PUDP: variants seen among roughly 807,000 people sequenced by gnomAD.
PUDP encodes pseudouridine-5'-phosphatase.
A neutral mutation model predicts 9.4 loss-of-function variants in PUDP; 8 were observed. The observed-to-expected ratio is 0.85, with a 90% confidence interval of 0.50 to 1.53. PUDP has a LOEUF of 1.53. Among genes scored for constraint, PUDP ranks in the 40% most tolerant of loss-of-function variants. The pLI, the probability that PUDP is intolerant of heterozygous loss-of-function variation, is 0.00. For synonymous variants in PUDP, 99 were observed against 80.7 expected (o/e 1.23, Z -1.22); for missense variants, 188 against 189.7 (o/e 0.99, Z 0.05).
intron 1 of PUDP, among the ~76,000 whole-genome samples, chrX:6,718,108 T>C (rs996504930): frequency 7.2e-5 from 8 of 111,622 alleles, no homozygotes; most frequent in South Asian, 7.5e-4. Context: ...CTGTGTCAGA[T>C]ATATAGTTTT....
At chrX:7,139,673 CAA>C (rs750934973) in intron 1 of PUDP, among the ~76,000 whole-genome samples, 1 of 112,114 alleles carries the variant, frequency 8.9e-6, no homozygotes, top group Admixed American at 9.4e-5. Flanking sequence ...TATTGGGAGT[CAA>C]AGAGCAAACT....
At chrX:7,073,481 G>C (rs1426933258) in intron 3 of PUDP, among the ~76,000 whole-genome samples, 1 of 112,429 alleles carries the variant, frequency 8.9e-6, no homozygotes, top group Non-Finnish European at 1.9e-5. Context: ...TTCAGTGACT[G>C]ATGATTTAAT....
chrX:7,147,698 T>A (rs1377882069), intron 1 of PUDP, among the ~76,000 whole-genome samples: 2 of 111,374 alleles, frequency 1.8e-5, no homozygotes, highest in African/African-American at 6.5e-5. Context: ...AGCGCGGAGG[T>A]CCCGCCGCGC....
chrX:6,921,154 T>G (rs12009497), intron 3 of PUDP, among the ~76,000 whole-genome samples: 4 of 110,289 alleles, frequency 3.6e-5, no homozygotes, highest in African/African-American at 1.3e-4. Context: ...GGAGGCGAGG[T>G]GGGAGGATCA....
chrX:6,724,419 C>CT (rs1442427248), upstream of PUDP, among the ~76,000 whole-genome samples: 1 of 100,284 alleles, frequency 1.0e-5, no homozygotes, highest in Non-Finnish European at 2.0e-5. Flanking sequence ...TTTCATTTCT[C>CT]TTTTCTATTC....
At chrX:6,759,085 A>C (rs1707739137) in intron 3 of PUDP, among the ~76,000 whole-genome samples, 1 of 111,883 alleles carries the variant, frequency 8.9e-6, no homozygotes, top group African/African-American at 3.2e-5. Context: ...CCCTACTTAG[A>C]CAGTCTCTGA....
chrX:7,099,322 C>G (rs947246778), intron 2 of PUDP, among the ~76,000 whole-genome samples: 2 of 112,541 alleles, frequency 1.8e-5, no homozygotes, highest in African/African-American at 6.5e-5. Flanking sequence ...ATGTGACATA[C>G]ATTTCCAGTT....
intron 3 of PUDP, among the ~76,000 whole-genome samples, chrX:6,807,867 T>C (rs758152143): frequency 5.3e-5 from 6 of 112,338 alleles, no homozygotes; most frequent in African/African-American, 1.9e-4. Flanking sequence ...TGGAAATATA[T>C]GCATCTCTAT....
chrX:6,797,031 A>G (rs1925855479), intron 3 of PUDP, among the ~76,000 whole-genome samples: 1 of 112,095 alleles, frequency 8.9e-6, no homozygotes, highest in Non-Finnish European at 1.9e-5. Context: ...AGGAATTAAC[A>G]ATAGAAGAGA....
intron 3 of PUDP, among the ~76,000 whole-genome samples, chrX:6,849,120 C>G (rs752127296): frequency 9.0e-6 from 1 of 111,421 alleles, no homozygotes; most frequent in Non-Finnish European, 1.9e-5. Context: ...GGGTGGTAGA[C>G]CCGCACGTCA....
intron 3 of PUDP, among the ~76,000 whole-genome samples, chrX:6,740,452 C>T (rs1429027396): frequency 9.0e-6 from 1 of 111,084 alleles, no homozygotes; most frequent in Non-Finnish European, 1.9e-5. Flanking sequence ...CTGAATTATT[C>T]CAGATTTTTC....
intron 3 of PUDP, among the ~76,000 whole-genome samples, chrX:6,887,886 A>T (rs1927452875): frequency 9.0e-6 from 1 of 110,955 alleles, no homozygotes; most frequent in Non-Finnish European, 1.9e-5. Flanking sequence ...TGGGAAACAG[A>T]CCCTGGAATT....
At chrX:6,991,048 T>G (rs1929169661) in intron 1 of PUDP, among the ~76,000 whole-genome samples, 1 of 111,794 alleles carries the variant, frequency 8.9e-6, no homozygotes, top group African/African-American at 3.3e-5. Context: ...CAGGTTAGGC[T>G]TTTGGTCAGG....
chrX:6,805,903 T>A (rs1926043671), intron 3 of PUDP, among the ~76,000 whole-genome samples: 1 of 111,447 alleles, frequency 9.0e-6, no homozygotes. Context: ...AAGGGTGAAG[T>A]TTGAGCAGAG....
At chrX:7,047,434 A>G (rs1163884429), downstream of PUDP, among the ~76,000 whole-genome samples, 1 of 112,409 alleles carries the variant, frequency 8.9e-6, no homozygotes, top group Non-Finnish European at 1.9e-5. Context: ...ATGAAGGAGA[A>G]AAAAATAATA....
chrX:6,716,981 C>T (rs1003502644), intron 1 of PUDP, among the ~76,000 whole-genome samples: 5 of 111,038 alleles, frequency 4.5e-5, no homozygotes, highest in Admixed American at 1.9e-4. Flanking sequence ...GTTGCCCAGG[C>T]GTGTCTTGAA....
At chrX:6,831,173 C>T (rs894984718) in intron 3 of PUDP, among the ~76,000 whole-genome samples, 2 of 111,347 alleles carry the variant, frequency 1.8e-5, no homozygotes, top group South Asian at 7.7e-4. Flanking sequence ...TGGTTGCAGC[C>T]GATCTATCAA....
intron 3 of PUDP, among the ~76,000 whole-genome samples, chrX:7,072,617 C>A (rs57351497): frequency 0.07 from 7,646 of 109,408 alleles, 272 homozygotes; most frequent in East Asian, 0.27. Flanking sequence ...AATTCAAGAC[C>A]AGCCTGGCCA....
intron 1 of PUDP, among the ~76,000 whole-genome samples, chrX:7,019,827 G>A (rs1929605408): frequency 9.0e-6 from 1 of 111,724 alleles, no homozygotes; most frequent in Non-Finnish European, 1.9e-5. Flanking sequence ...AACTAATTTT[G>A]CCTTTCATGA....
Sources: gnomAD v4.1 joint callset for allele counts (sites outside exome capture counted in the v4.1 genomes callset) on GRCh38, gnomAD v4.1.1 for gene constraint, MANE v1.5 for transcripts, NCBI Gene and HGNC (gene_info 2026-07-23, HGNC 2026-07-21) for gene names.